SSB: variants seen among roughly 807,000 people sequenced by gnomAD.
SSB encodes the protein lupus La protein.
Under a neutral mutation model 52.9 loss-of-function variants are expected in SSB, and 17 were observed. The observed-to-expected ratio is 0.32, with a 90% CI of 0.22 to 0.48. The LOEUF (loss-of-function observed/expected upper bound fraction) is 0.48. Among genes scored for constraint, SSB ranks in the 20% least tolerant of loss-of-function variants. The pLI, the probability that SSB is intolerant of heterozygous loss-of-function variation, is 0.99. For synonymous variants in SSB, 111 were observed against 152.1 expected, an observed-to-expected ratio of 0.73 and a Z score of 1.99; for missense variants, 314 against 463.6, an observed-to-expected ratio of 0.68 and a Z score of 2.96.
intron 6 of SSB, among the ~76,000 whole-genome samples, chr2:169,807,732 T>C (rs1336655631): frequency 7.4e-6 from 1 of 135,666 alleles, no homozygotes; most frequent in Non-Finnish European, 1.6e-5. Context: ...TCATAGCCTA[T>C]ATGTCTTTTT....
At chr2:169,809,411 A>G (rs1366835084) in intron 8 of SSB, among the ~76,000 whole-genome samples, 1 of 152,114 alleles carries the variant, frequency 6.6e-6, no homozygotes, top group Non-Finnish European at 1.5e-5. Flanking sequence ...ACACAGGAAA[A>G]TATATTTTGA....
chr2:169,807,565 A>T (rs1444404773), intron 6 of SSB, among the ~76,000 whole-genome samples: 2 of 152,218 alleles, frequency 1.3e-5, no homozygotes, highest in Non-Finnish European at 2.9e-5. Context: ...TTGGGACTAC[A>T]GGCGTGAGCC....
intron 2 of SSB, among the ~76,000 whole-genome samples, chr2:169,802,054 G>A (rs921907354): frequency 6.6e-6 from 1 of 152,034 alleles, no homozygotes; most frequent in South Asian, 2.1e-4. Flanking sequence ...TGTGTTAGCA[G>A]TTTACCTGTA....
intron 7 of SSB, 44 bp from the exon 8 acceptor site, chr2:169,808,816 A>G: frequency 7.1e-7 from 1 of 1,408,818 alleles, no homozygotes; most frequent in East Asian, 2.4e-5. Flanking sequence ...TAATTTTCTT[A>G]TATAGTAAAT....
At chr2:169,809,269 T>C (rs992268545) in intron 8 of SSB, among the ~76,000 whole-genome samples, 8 of 152,018 alleles carry the variant, frequency 5.3e-5, no homozygotes, top group Admixed American at 2.0e-4. Flanking sequence ...TAATCCCAGC[T>C]ATGTGGGAGG....
chr2:169,810,528 TTTCTAC>T, intron 9 of SSB, 105 bp downstream of exon 9: 1 of 1,091,608 alleles, frequency 9.2e-7, no homozygotes, highest in African/African-American at 1.6e-5. Flanking sequence ...ATTAAATTAG[TTTCTAC>T]TTGATCATTT....
intron 2 of SSB, among the ~76,000 whole-genome samples, chr2:169,802,383 GGT>G: frequency 6.7e-6 from 1 of 149,868 alleles, no homozygotes. Flanking sequence ...CATATTGTTT[GGT>G]GTGGGGTTTT....
Position 169,800,223 on chromosome 2 carries a change from T to C in SSB, c.-9-729T>C, listed in dbSNP as rs541811593. 2.0e-5 allele frequency among the ~76,000 whole-genome samples: 3 copies of C among 152,246 alleles called. No homozygotes were observed. In the South Asian group the frequency reaches 6.2e-4, roughly 32 times the overall value. On this transcript the variant is annotated intron_variant, in intron 1 of 11. Transcript: ENST00000260956. ...TGGTAACAAGGTTTGGGTAAGTCAG[T>C]TGTGACTACATTTTAAAAGAAATGA... is the stretch of plus-strand genomic sequence containing the variant.
chr2:169,806,221 T>A (rs563398014), intron 4 of SSB: 1 of 236,882 alleles, frequency 4.2e-6, no homozygotes, highest in East Asian at 1.2e-4. Flanking sequence ...CACCTTGACC[T>A]CCCAAAGTGC....
chr2:169,804,413 A>AT (rs1689780556), intron 2 of SSB, among the ~76,000 whole-genome samples: 1 of 150,072 alleles, frequency 6.7e-6, no homozygotes, highest in African/African-American at 2.5e-5. Context: ...TATTTATTTT[A>AT]TTTATTTATT....
In SSB at chr2:169,808,392, A is replaced by G. The variant is rs1427438924; in HGVS notation, c.555-90A>G. On this transcript the variant is annotated intron_variant, in intron 6 of 11. Transcript: ENST00000260956. ...TTGATAGTAAGCGTGTGCAACATTCATTGCTGTGCCATGTCTTAAGTTATT... is the reference window on the plus strand; with the variant it reads ...TTGATAGTAAGCGTGTGCAACATTCGTTGCTGTGCCATGTCTTAAGTTATT... The G allele has an allele frequency of 7.0e-6, 7 of 997,354 alleles. No individual in the cohort carries two copies. The Admixed American group carries it at 1.3e-4, about 19-fold the overall frequency. 61.8% of individuals were successfully genotyped at this position (997,354 alleles called of 1,614,324 possible). A position where few individuals can be genotyped will look rare whatever the true frequency, so the allele number is the denominator to read the frequency against.
In SSB at chr2:169,800,238, A is replaced by G. The variant is rs73016450; in HGVS notation, c.-9-714A>G. On this transcript the variant is annotated intron_variant, in intron 1 of 11. Transcript: ENST00000260956. ...GGTAAGTCAGTTGTGACTACATTTTAAAAGAAATGAGGCCGGGCGCGGTGG... is the reference window on the plus strand; with the variant it reads ...GGTAAGTCAGTTGTGACTACATTTTGAAAGAAATGAGGCCGGGCGCGGTGG... 4.7e-3 allele frequency among the ~76,000 whole-genome samples: 717 copies of G among 152,290 alleles called. 1 individual carries two copies. The highest frequency in any genetic ancestry group is 0.016 in the African/African-American group (651 of 41,576).
At chr2:169,805,869 C>T in intron 4 of SSB, 30 bp downstream of exon 4, 1 of 1,584,146 alleles carries the variant, frequency 6.3e-7, no homozygotes. Context: ...ATTTAAATAT[C>T]TTACATTTAT....
intron 4 of SSB, 53 bp downstream of exon 4, chr2:169,805,892 G>T: frequency 1.3e-6 from 2 of 1,530,364 alleles, no homozygotes; most frequent in Non-Finnish European, 1.8e-6. Context: ...AGAAAGTAAA[G>T]TACGGAAGAA....
chr2:169,811,355 A>G (rs755346790), intron 11 of SSB, 32 bp downstream of exon 11: 3 of 1,516,504 alleles, frequency 2.0e-6, no homozygotes, highest in Non-Finnish European at 2.6e-6. Flanking sequence ...TGGTAGTTTC[A>G]TGAGAAAATT....
chr2:169,811,588 CATT>C lies in SSB; in HGVS notation c.1139-75_1139-73del, dbSNP rs1291899488. The stretch of plus-strand genomic sequence containing the variant: ...GTTGTTGCATCTTTTTCAACAGTAT[CATT>C]ATTAGTAATTGTGCTCAGTATTAAA... On this transcript the variant is annotated intron_variant, in intron 11 of 11. Transcript: ENST00000260956. 3 of 1,536,884 alleles carry C rather than the reference CATT, an allele frequency of 2.0e-6. No individual in the cohort carries two copies. In the African/African-American group the frequency reaches 4.2e-5, roughly 21 times the overall value.
chr2:169,808,486 G>A lies in SSB; in HGVS notation c.559G>A (p.Asp187Asn), dbSNP rs1162673929. ...TCTGTACTGTGTGTTCTTTAGGGAC[G>A]ATTACTTTGCCAAAAAAAATGAAGA... The part of the protein sequence containing the change: ...ETDLLILFKD[D>N]YFAKKNEERK... The change falls in exon 7 of 12, where the codon GAT (aspartate) becomes AAT (asparagine). Residue 187 changes from aspartate (D) to asparagine (N), a missense_variant. By Grantham distance (23) the Asp-to-Asn change is conservative. Transcript: ENST00000260956. The A allele has an allele frequency of 3.1e-6, 5 of 1,613,210 alleles. No individual in the cohort carries two copies. The Admixed American group carries it at 6.7e-5, about 22-fold the overall frequency.
intron 9 of SSB, 151 bp downstream of exon 9, chr2:169,810,574 T>C (rs1054379227): frequency 3.0e-5 from 23 of 760,134 alleles, no homozygotes; most frequent in Non-Finnish European, 4.4e-5. Flanking sequence ...ATGTCTGATA[T>C]TTTCTGAATT....
rs1314437256 is a variant in SSB at position 169,811,210 on chromosome 2, G to A, written c.1025G>A (p.Gly342Asp). 2.5e-6 allele frequency: 4 copies of A among 1,611,548 alleles called. No individual in the cohort carries two copies. The highest frequency in any genetic ancestry group is 2.2e-5 in the South Asian group (2 of 90,146). ...KGRRFKGKGK[G>D]NKAAQPGSGK... ...CGTAGATTTAAAGGAAAAGGAAAGG[G>A]TAATAAAGCTGCCCAGCCTGGGTCT... The change falls in exon 11 of 12, where the codon GGT becomes GAT. Residue 342 changes from glycine (G) to aspartate (D), a missense_variant. Coordinates refer to ENST00000260956, the MANE Select transcript of SSB (RefSeq NM_003142.5).
Sources: gnomAD v4.1 joint callset for allele counts (sites outside exome capture counted in the v4.1 genomes callset) on GRCh38, gnomAD v4.1.1 for gene constraint, MANE v1.5 for transcripts, NCBI Gene and HGNC (gene_info 2026-07-23, HGNC 2026-07-21) for gene names.